The following DAGLB variants were observed in gnomAD, a reference collection of about 807,000 sequenced individuals.
DAGLB encodes diacylglycerol lipase beta, also known as diacylglycerol lipase-beta.
DAGLB carries 66 observed loss-of-function variants against 72.1 expected under a neutral mutation model. That is an observed-to-expected ratio of 0.92 (90% CI 0.75 to 1.12). DAGLB has a LOEUF of 1.12. Ranked by LOEUF, DAGLB falls within the 50% of genes most tolerant of loss-of-function variation. The pLI is 0.00. For synonymous variants in DAGLB, 414 were observed against 359.5 expected (o/e 1.15, Z -1.71); for missense variants, 1,065 against 884.9 (o/e 1.20, Z -2.58).
chr7:6,414,419 CCTA>C (rs1783836233), intron 11 of DAGLB, among the ~76,000 whole-genome samples: 1 of 151,080 alleles, frequency 6.6e-6, no homozygotes, highest in African/African-American at 2.4e-5. Flanking sequence ...TTCAGGCAAT[CCTA>C]CTGCCTCAGC....
At chr7:6,433,764 G>A (rs973842752) in intron 4 of DAGLB, among the ~76,000 whole-genome samples, 13 of 151,780 alleles carry the variant, frequency 8.6e-5, no homozygotes, top group Admixed American at 7.2e-4. Flanking sequence ...CGCTGAGGCA[G>A]GAGAATCTCT....
chr7:6,410,087 C>G, intron 14 of DAGLB, 43 bp downstream of exon 14: 1 of 1,585,328 alleles, frequency 6.3e-7, no homozygotes, highest in South Asian at 1.2e-5. Context: ...GCTGACCCCG[C>G]GCTGCTCCTG....
Position 6,434,802 on chromosome 7 carries a change from G to A in DAGLB, c.638C>T (p.Ala213Val), listed in dbSNP as rs747533000. ...CIGKDDHTRVAFSSTAELFST... is the reference protein window; with the variant it reads ...CIGKDDHTRVVFSSTAELFST... ...GAAAAGCTCTGCCGTACTCGAAAAA[G>A]CAACCCGAGTATGGTCGTCTTTCCC... is the stretch of plus-strand genomic sequence containing the variant. Residue 213 changes from alanine (A) to valine (V), a missense_variant, in exon 4 of 15, where the codon GCT becomes GTT. Transcript: ENST00000297056. 8 of 1,614,062 alleles carry A rather than the reference G, an allele frequency of 5.0e-6. No individual in the cohort carries two copies. The East Asian group carries it at 1.6e-4, about 31-fold the overall frequency.
At chr7:6,421,655 TC>T (rs909472526) in intron 9 of DAGLB, 71 bp downstream of exon 9, 3 of 1,505,072 alleles carry the variant, frequency 2.0e-6, no homozygotes, top group Middle Eastern at 1.8e-4. Context: ...CTCTGTGCAG[TC>T]CCTGACCCGA....
chr7:6,421,807 G>A lies in DAGLB; in HGVS notation c.1141-3C>T. On this transcript the variant is annotated splice_polypyrimidine_tract_variant and splice_region_variant and intron_variant, in intron 8 of 14. Transcript: ENST00000297056. ...GCTGACAGGTCCGTAAGGACATCCT[G>A]TAAAAAGGGCGTTGCAGAAGCGGCC... is the stretch of plus-strand genomic sequence containing the variant. 4 of 1,612,538 alleles carry A rather than the reference G, an allele frequency of 2.5e-6. No individual in the cohort carries two copies. Among genetic ancestry groups the A allele is most frequent in the Non-Finnish European group, 2.5e-6 (3 of 1,179,358 alleles).
chr7:6,437,112 C>G (rs1310954376), intron 2 of DAGLB, among the ~76,000 whole-genome samples: 1 of 149,722 alleles, frequency 6.7e-6, no homozygotes, highest in Non-Finnish European at 1.5e-5. Context: ...TGAGATTGCG[C>G]CACTGCACTC....
chr7:6,416,545 G>A (rs1426650769), intron 11 of DAGLB, 82 bp downstream of exon 11: 1 of 1,508,774 alleles, frequency 6.6e-7, no homozygotes, highest in Non-Finnish European at 8.8e-7. Flanking sequence ...TTCATCTCAG[G>A]AAAATAAAAG....
At chr7:6,433,120 C>T (rs1293424452) in intron 4 of DAGLB, among the ~76,000 whole-genome samples, 161 bp from the exon 5 acceptor site, 1 of 152,230 alleles carries the variant, frequency 6.6e-6, no homozygotes, top group Non-Finnish European at 1.5e-5. Context: ...GAGTGCTTCT[C>T]TATGTGACCT....
At chr7:6,428,870 C>G (rs1349613998) in intron 6 of DAGLB, among the ~76,000 whole-genome samples, 1 of 151,914 alleles carries the variant, frequency 6.6e-6, no homozygotes, top group East Asian at 1.9e-4. Context: ...AGTGGTGCAA[C>G]CCCAGCTCAC....
At chr7:6,421,308 CAGGCAGCGCGGGA>C (rs1784110691) in intron 9 of DAGLB, among the ~76,000 whole-genome samples, 2 of 34,600 alleles carry the variant, frequency 5.8e-5, no homozygotes, top group South Asian at 9.3e-4. Flanking sequence ...CTGTGAGAAT[CAGGCAGCGCGGGA>C]GGCGCAGGCA....
At chr7:6,413,364 C>G (rs1350027242) in intron 11 of DAGLB, among the ~76,000 whole-genome samples, 3 of 152,234 alleles carry the variant, frequency 2.0e-5, no homozygotes, top group Non-Finnish European at 2.9e-5. Context: ...GGTGCAGTGG[C>G]TCACGCCTGT....
chr7:6,425,491 C>T (rs547556140), intron 7 of DAGLB, among the ~76,000 whole-genome samples: 23 of 152,200 alleles, frequency 1.5e-4, no homozygotes, highest in African/African-American at 5.5e-4. Context: ...AGGCTGGTCT[C>T]GAACTCCTGA....
rs956433036 is a variant in DAGLB at position 6,410,525 on chromosome 7, C to A, written c.1570-145G>T. 17 of 1,278,574 alleles carry A rather than the reference C, an allele frequency of 1.3e-5. No homozygotes were observed. In the African/African-American group the frequency reaches 2.1e-4, roughly 16 times the overall value. The allele number at this position is 1,278,574 out of a possible 1,614,324, so 79.2% of individuals were successfully genotyped here. A position where few individuals can be genotyped will look rare whatever the true frequency, so the allele number is the denominator to read the frequency against. On this transcript the variant is annotated intron_variant, in intron 13 of 14. Coordinates refer to ENST00000297056, the MANE Select transcript of DAGLB (RefSeq NM_139179.4). ...GAAGACTCCAGCAAAGATGCACCGG[C>A]GAGCTGTGCTGGGTGGCAGCCACCT...
At position 6,410,184 on chromosome 7, in the gene DAGLB, G is replaced by T. The variant is rs765616195; in HGVS notation, c.1766C>A (p.Pro589His). 3.8e-6 allele frequency: 6 copies of T among 1,595,484 alleles called. No homozygotes were observed. Among genetic ancestry groups the T allele is most frequent in the Admixed American group, 1.7e-5 (1 of 57,866 alleles). The change falls in exon 14 of 15, where the codon CCT becomes CAT. Residue 589 changes from proline (P) to histidine (H), a missense_variant. By Grantham distance (77) the Pro-to-His change is moderately conservative. Transcript: ENST00000297056. ...GATGATCCTGCCGGGAGGGTAGAGA[G>T]GGGGGTACTTGGGAGAAGAGTCCAG... The part of the protein sequence containing the change: ...SPLDSSPKYP[P>H]LYPPGRIIHL...
chr7:6,427,338 G>A (rs1012175061), intron 6 of DAGLB, among the ~76,000 whole-genome samples: 7 of 152,066 alleles, frequency 4.6e-5, no homozygotes, highest in Admixed American at 6.6e-5. Context: ...GAGAAACTCT[G>A]TGGCTTTGGA....
At chr7:6,441,929 G>C (rs1053055453) in intron 2 of DAGLB, among the ~76,000 whole-genome samples, 1 of 152,142 alleles carries the variant, frequency 6.6e-6, no homozygotes, top group Non-Finnish European at 1.5e-5. Context: ...GGGCTGCCCT[G>C]ACCGAGACAA....
chr7:6,431,170 G>A (rs143931760), intron 5 of DAGLB, among the ~76,000 whole-genome samples: 209 of 151,784 alleles, frequency 1.4e-3, no homozygotes, highest in African/African-American at 4.8e-3. Context: ...GAAATGAGCC[G>A]GCGCTTCCTA....
rs185914004 is a variant in DAGLB, at chr7:6,412,742, C to T, written c.1569+69G>A. 2,807 of 1,530,206 alleles carry T rather than the reference C, an allele frequency of 1.8e-3. 6 individuals are homozygous for T. Among genetic ancestry groups the T allele is most frequent in the Non-Finnish European group, 2.3e-3 (2,592 of 1,128,984 alleles). The allele number at this position is 1,530,206 out of a possible 1,614,324, so 94.8% of individuals were successfully genotyped here. A position where few individuals can be genotyped will look rare whatever the true frequency, so the allele number is the denominator to read the frequency against. On this transcript the variant is annotated intron_variant, in intron 13 of 14. Coordinates refer to ENST00000297056, the MANE Select transcript of DAGLB (RefSeq NM_139179.4). ...CCTGCACTGAGGGTGCAATTCCTCC[C>T]GGCTCTCCACAGGATCTCAGGGACA...
intron 6 of DAGLB, among the ~76,000 whole-genome samples, chr7:6,428,443 G>A (rs905004749): frequency 3.3e-5 from 5 of 151,482 alleles, no homozygotes; most frequent in Admixed American, 6.6e-5. Flanking sequence ...ATTCAGAGAG[G>A]GATAGGACAT....
Sources: allele counts gnomAD v4.1 joint callset (sites outside exome capture counted in the v4.1 genomes callset), GRCh38; gene constraint gnomAD v4.1.1; transcripts MANE v1.5; gene names NCBI Gene and HGNC (gene_info 2026-07-23, HGNC 2026-07-21).